GRIP1: variants seen among roughly 807,000 people sequenced by gnomAD.
GRIP1 encodes glutamate receptor interacting protein 1, also known as glutamate receptor-interacting protein 1.
In GRIP1, 45 loss-of-function variants were observed where a neutral mutation model predicts 129.9. The ratio of observed to expected loss-of-function variants is 0.35; its 90% CI spans 0.27 to 0.44. The LOEUF (loss-of-function observed/expected upper bound fraction) is 0.44, where lower values mean the gene tolerates loss of function less well. Ranked by LOEUF, GRIP1 falls within the 20% of genes least tolerant of loss-of-function variation. The probability of loss-of-function intolerance (pLI) is 1.00; values close to 1 mark genes in which losing one functional copy is unlikely to be tolerated. For synonymous variants in GRIP1, 530 were observed against 520.8 expected (o/e 1.02, Z -0.24); for missense variants, 1,196 against 1,396.8 (o/e 0.86, Z 2.29).
intron 1 of GRIP1, among the ~76,000 whole-genome samples, chr12:66,824,556 A>G (rs2039375976): frequency 6.6e-6 from 1 of 152,176 alleles, no homozygotes; most frequent in South Asian, 2.1e-4. Context: ...TGCCCTTTGC[A>G]TAACCTGGAC....
intron 1 of GRIP1, among the ~76,000 whole-genome samples, chr12:66,798,886 A>T (rs1168961314): frequency 6.6e-6 from 1 of 152,106 alleles, no homozygotes; most frequent in Non-Finnish European, 1.5e-5. Flanking sequence ...CCTACTGTTC[A>T]AAAAAATAAA....
intron 1 of GRIP1, among the ~76,000 whole-genome samples, chr12:67,017,050 C>G (rs1271831710): frequency 6.6e-6 from 1 of 152,178 alleles, no homozygotes; most frequent in Non-Finnish European, 1.5e-5. Flanking sequence ...CTCAATTGCA[C>G]TATGCCAAGG....
intron 1 of GRIP1, among the ~76,000 whole-genome samples, chr12:66,866,720 G>A (rs1234830174): frequency 2.6e-5 from 4 of 151,792 alleles, no homozygotes; most frequent in African/African-American, 9.7e-5. Context: ...AACATCTCAT[G>A]TACCACACAA....
intron 1 of GRIP1, among the ~76,000 whole-genome samples, chr12:66,801,385 A>T (rs1030230381): frequency 2.0e-5 from 3 of 152,166 alleles, no homozygotes; most frequent in African/African-American, 7.2e-5. Flanking sequence ...TCATTCTATC[A>T]TCATTGTCAC....
At chr12:66,438,538 C>T (rs987446501) in intron 13 of GRIP1, among the ~76,000 whole-genome samples, 2 of 149,828 alleles carry the variant, frequency 1.3e-5, no homozygotes, top group Non-Finnish European at 3.0e-5. Context: ...CTCTGTTGCC[C>T]AGGCCAGAGT....
At chr12:66,791,988 T>C (rs1050181234) in intron 1 of GRIP1, among the ~76,000 whole-genome samples, 3 of 152,084 alleles carry the variant, frequency 2.0e-5, no homozygotes, top group African/African-American at 4.8e-5. Flanking sequence ...TGGTAGGGAA[T>C]TGAAGGGCCT....
chr12:66,364,356 C>T (rs1222235871), intron 23 of GRIP1, among the ~76,000 whole-genome samples: 1 of 146,418 alleles, frequency 6.8e-6, no homozygotes, highest in Non-Finnish European at 1.5e-5. Flanking sequence ...AAATTAAAAT[C>T]TCAGGACCTC....
chr12:66,859,100 T>C (rs1407794374), intron 1 of GRIP1, among the ~76,000 whole-genome samples: 1 of 151,796 alleles, frequency 6.6e-6, no homozygotes, highest in African/African-American at 2.4e-5. Context: ...TTTGCACATT[T>C]GGGAATATGA....
intron 1 of GRIP1, among the ~76,000 whole-genome samples, chr12:66,848,512 T>A (rs1461373085): frequency 6.6e-6 from 1 of 152,170 alleles, no homozygotes; most frequent in Admixed American, 6.5e-5. Flanking sequence ...AATTCTGGGG[T>A]ACTCTGAAAA....
intron 1 of GRIP1, among the ~76,000 whole-genome samples, chr12:66,993,214 G>A (rs1354060910): frequency 4.0e-5 from 6 of 151,856 alleles, no homozygotes; most frequent in African/African-American, 1.2e-4. Flanking sequence ...AGTGCTTAGA[G>A]GGAAATTTAT....
chr12:66,435,890 A>G (rs982260107), intron 13 of GRIP1, among the ~76,000 whole-genome samples: 1 of 152,190 alleles, frequency 6.6e-6, no homozygotes, highest in African/African-American at 2.4e-5. Context: ...GCTTCATTTT[A>G]ATCTTTAAAT....
upstream of GRIP1, among the ~76,000 whole-genome samples, chr12:66,680,545 C>A (rs139699108): frequency 3.8e-3 from 574 of 152,144 alleles, 4 homozygotes; most frequent in African/African-American, 0.013. Flanking sequence ...TATAATTGTT[C>A]TGATTAGCAT....
At chr12:66,662,416 C>T (rs1424916838) in intron 1 of GRIP1, among the ~76,000 whole-genome samples, 1 of 152,156 alleles carries the variant, frequency 6.6e-6, no homozygotes, top group East Asian at 1.9e-4. Context: ...TTTAACTTCA[C>T]ATCTTTTTAT....
chr12:66,916,980 T>G (rs1271500951), intron 1 of GRIP1, among the ~76,000 whole-genome samples: 1 of 152,192 alleles, frequency 6.6e-6, no homozygotes, highest in African/African-American at 2.4e-5. Flanking sequence ...ATTAGACATT[T>G]TTGTTTGTCT....
intron 13 of GRIP1, among the ~76,000 whole-genome samples, chr12:66,439,907 AAAC>A (rs58448602): frequency 0.072 from 10,977 of 152,090 alleles, 1,013 homozygotes; most frequent in East Asian, 0.22. Context: ...TGAAAATAAA[AAAC>A]AACAACAACT....
intron 14 of GRIP1, among the ~76,000 whole-genome samples, chr12:66,431,137 T>G (rs2058136043): frequency 6.6e-6 from 1 of 152,212 alleles, no homozygotes; most frequent in South Asian, 2.1e-4. Context: ...GCCCTAAATA[T>G]GTTTGGAACA....
At chr12:66,522,562 A>C (rs562047737) in intron 5 of GRIP1, among the ~76,000 whole-genome samples, 1 of 152,356 alleles carries the variant, frequency 6.6e-6, no homozygotes, top group East Asian at 1.9e-4. Flanking sequence ...GACCAAAAGT[A>C]GATAAAACCA....
At chr12:66,818,595 T>C (rs73329282) in intron 1 of GRIP1, among the ~76,000 whole-genome samples, 14 of 152,354 alleles carry the variant, frequency 9.2e-5, no homozygotes, top group African/African-American at 3.4e-4. Flanking sequence ...CATAGTACTT[T>C]GGTATGCAAC....
At chr12:66,833,478 G>A (rs1426499766) in intron 1 of GRIP1, among the ~76,000 whole-genome samples, 4 of 152,096 alleles carry the variant, frequency 2.6e-5, no homozygotes, top group African/African-American at 9.7e-5. Context: ...AGAAACCAAT[G>A]GCTACTCATG....
Sources: allele counts gnomAD v4.1 joint callset (sites outside exome capture counted in the v4.1 genomes callset), GRCh38; gene constraint gnomAD v4.1.1; transcripts MANE v1.5; gene names NCBI Gene and HGNC (gene_info 2026-07-23, HGNC 2026-07-21).